TIAM1: variants seen among roughly 807,000 people sequenced by gnomAD.
TIAM1 encodes the protein TIAM Rac1 associated GEF 1.
A neutral mutation model predicts 163.5 loss-of-function variants in TIAM1; 65 were observed. The ratio of observed to expected loss-of-function variants is 0.40; its 90% CI spans 0.33 to 0.49. The LOEUF is 0.49. Ranked by LOEUF, TIAM1 falls within the 20% of genes least tolerant of loss-of-function variation. The pLI is 0.77. For missense variants in TIAM1, 1,789 were observed against 2,044.7 expected (o/e 0.87, Z 2.41); for synonymous variants, 833 against 810.1 (o/e 1.03, Z -0.48).
At chr21:31,128,163 C>G (rs2082280511) in intron 25 of TIAM1, among the ~76,000 whole-genome samples, 1 of 152,204 alleles carries the variant, frequency 6.6e-6, no homozygotes, top group African/African-American at 2.4e-5. Context: ...CACAAACCCT[C>G]ACTGTGGTTG....
At chr21:31,410,238 C>T (rs1357285484) in intron 2 of TIAM1, among the ~76,000 whole-genome samples, 2 of 151,588 alleles carry the variant, frequency 1.3e-5, no homozygotes, top group Non-Finnish European at 2.9e-5. Flanking sequence ...TGATTGTGAG[C>T]ATGTGTGTGA....
chr21:31,165,633 G>GTGGCTTATTTTGTTTAGCCACTCAGTT (rs2084173843), intron 15 of TIAM1, among the ~76,000 whole-genome samples: 1 of 151,926 alleles, frequency 6.6e-6, no homozygotes, highest in African/African-American at 2.4e-5. Context: ...TCAGTTTATG[G>GTGGCTTATTTTGTTTAGCCACTCAGTT]TATTTTGTTA....
rs2088128061 is a variant in TIAM1 at position 31,228,230 on chromosome 21, A to T, written c.1585-2280T>A. Among the ~76,000 whole-genome samples the T allele has an allele frequency of 1.4e-4, 4 of 28,154 alleles. 1 individual carries two copies. The South Asian group carries it at 5.9e-3, about 41-fold the overall frequency. The allele number at this position is 28,154 out of a possible 152,430, so 18.5% of individuals were successfully genotyped here. ...CCGGCCTCCTTTTTTTAAAAAAAAAAAAAAAAAAAAAAAAAAAAAAAAAAA... is the reference window on the plus strand; with the variant it reads ...CCGGCCTCCTTTTTTTAAAAAAAAATAAAAAAAAAAAAAAAAAAAAAAAAA... On this transcript the variant is annotated intron_variant, in intron 6 of 27. Coordinates refer to ENST00000541036, the MANE Select transcript of TIAM1 (RefSeq NM_001353694.2).
At chr21:31,533,585 T>C (rs1169015931) in intron 1 of TIAM1, among the ~76,000 whole-genome samples, 1 of 151,992 alleles carries the variant, frequency 6.6e-6, no homozygotes, top group East Asian at 2.0e-4. Flanking sequence ...TATTTTTAAT[T>C]AGCCAGGGGT....
At chr21:31,210,739 GAAGGAAGGGAGAAAGAAA>G (rs2086806185) in intron 10 of TIAM1, among the ~76,000 whole-genome samples, 5 of 75,916 alleles carry the variant, frequency 6.6e-5, no homozygotes, top group African/African-American at 3.8e-4. Context: ...GAGAAAGAAG[GAAGGAAGGGAGAAAGAAA>G]GAAAGAAAGA....
chr21:31,251,906 G>C lies in TIAM1; in HGVS notation c.1247C>G (p.Thr416Ser). 1.9e-6 allele frequency: 3 copies of C among 1,613,804 alleles called. No individual in the cohort carries two copies. Among genetic ancestry groups the C allele is most frequent in the Non-Finnish European group, 2.5e-6 (3 of 1,179,906 alleles). ...GTCCGACTGGCCCGGAGAGCTCAGGGTGCCGCTGCTCTGCTCATCGCTGTG... is the reference window on the plus strand; with the variant it reads ...GTCCGACTGGCCCGGAGAGCTCAGGCTGCCGCTGCTCTGCTCATCGCTGTG... ...SAHSDEQSSGTLSSPGQSDIL... is the reference protein window; with the variant it reads ...SAHSDEQSSGSLSSPGQSDIL... The change falls in exon 5 of 28, where the codon ACC becomes AGC. Residue 416 changes from threonine (T) to serine (S), a missense_variant. Physicochemically the swap from Thr to Ser is moderately conservative, Grantham distance 58. This residue lies in a region of TIAM1 where 555 missense variants were observed against 564.9 expected (regional missense o/e 0.98). Coordinates refer to ENST00000541036, the MANE Select transcript of TIAM1 (RefSeq NM_001353694.2).
At chr21:31,378,762 A>T (rs912797016) in intron 2 of TIAM1, among the ~76,000 whole-genome samples, 2 of 152,152 alleles carry the variant, frequency 1.3e-5, no homozygotes, top group East Asian at 1.9e-4. Flanking sequence ...AAAATATTTT[A>T]AAAAAGGAAA....
rs1238604238 is a variant in TIAM1, at chr21:31,187,069, A to G, written c.2594T>C (p.Val865Ala). ...ADTYGFSLSSVEEDGIRRLYV... is the reference protein window; with the variant it reads ...ADTYGFSLSSAEEDGIRRLYV... ...CAGCCTTCGAATACCATCTTCTTCCACAGAAGAAAGTGAAAACCCTGTGAA... is the reference window on the plus strand; with the variant it reads ...CAGCCTTCGAATACCATCTTCTTCCGCAGAAGAAAGTGAAAACCCTGTGAA... The change falls in exon 14 of 28, where the codon GTG becomes GCG. Residue 865 changes from valine to alanine, a missense_variant. Val to Ala is a moderately conservative substitution (Grantham distance 64, BLOSUM62 0). Around this residue, in one of 5 missense-constraint regions of TIAM1, gnomAD observed 456 missense variants for 586.6 expected, o/e 0.78. Transcript: ENST00000541036. 6.2e-7 allele frequency: 1 copy of G among 1,614,094 alleles called. No homozygotes were observed. The highest frequency in any genetic ancestry group is 8.5e-7 in the Non-Finnish European group (1 of 1,179,964).
intron 2 of TIAM1, among the ~76,000 whole-genome samples, chr21:31,360,961 T>A (rs1334372794): frequency 6.6e-6 from 1 of 152,092 alleles, no homozygotes; most frequent in East Asian, 1.9e-4. Context: ...AGGGAGAGTG[T>A]AATTGGGTCA....
At chr21:31,391,502 A>G (rs1037112455) in intron 2 of TIAM1, among the ~76,000 whole-genome samples, 1 of 151,972 alleles carries the variant, frequency 6.6e-6, no homozygotes, top group African/African-American at 2.4e-5. Flanking sequence ...GCAGGCGCCT[A>G]TAATCCCAGC....
At chr21:31,230,666 C>A (rs1382735273) in intron 6 of TIAM1, among the ~76,000 whole-genome samples, 1 of 152,138 alleles carries the variant, frequency 6.6e-6, no homozygotes, top group East Asian at 1.9e-4. Flanking sequence ...CTAGCTGGGA[C>A]TACAGGCTAC....
chr21:31,498,951 GAAAGA>G (rs56784582), intron 1 of TIAM1, among the ~76,000 whole-genome samples: 70 of 106,434 alleles, frequency 6.6e-4, no homozygotes, highest in African/African-American at 2.1e-3. Flanking sequence ...ATCAAAAGAA[GAAAGA>G]AAAGAAAAGA....
Position 31,298,567 on chromosome 21 carries a change from T to G in TIAM1, c.-188-21659A>C, listed in dbSNP as rs534413140. Among the ~76,000 whole-genome samples, 8 of 152,304 alleles carry G rather than the reference T, an allele frequency of 5.3e-5. No individual in the cohort carries two copies. The South Asian group carries it at 1.7e-3, about 32-fold the overall frequency. ...TGGCCAGCTCTACTCTCATCTGGTA[T>G]TCTTCCCTCTCTAATTGTCTGTCTT... is the stretch of plus-strand genomic sequence containing the variant. On this transcript the variant is annotated intron_variant, in intron 2 of 27. Transcript: ENST00000541036.
At chr21:31,321,334 CTGTT>C (rs112634900) in intron 2 of TIAM1, among the ~76,000 whole-genome samples, 3,439 of 150,600 alleles carry the variant, frequency 0.023, 116 homozygotes, top group African/African-American at 0.072. Context: ...CCATGCTCTA[CTGTT>C]TGTTTGTTTG....
At chr21:31,557,263 C>T (rs1343563939) in intron 1 of TIAM1, among the ~76,000 whole-genome samples, 1 of 151,982 alleles carries the variant, frequency 6.6e-6, no homozygotes, top group Non-Finnish European at 1.5e-5. Flanking sequence ...TCCTTCATGC[C>T]TTTTATAATA....
In TIAM1 at chr21:31,245,372, TAAAAAAAAAAAA is replaced by T. The variant is rs35494700; in HGVS notation, c.1584+104_1584+115del. 1.9e-5 allele frequency: 4 copies of T among 208,170 alleles called. No homozygotes were observed. The East Asian group carries it at 2.3e-4, about 12-fold the overall frequency. The allele number at this position is 208,170 out of a possible 1,614,324, so 12.9% of individuals were successfully genotyped here. A position where few individuals can be genotyped will look rare whatever the true frequency, so the allele number is the denominator to read the frequency against. ...ATGAGCAACAGATTAATCTCACCAC[TAAAAAAAAAAAA>T]AAAAAAAAAAAAAGCAGTGGAGGGA... On this transcript the variant is annotated intron_variant, in intron 6 of 27. Coordinates refer to ENST00000541036, the MANE Select transcript of TIAM1 (RefSeq NM_001353694.2).
intron 1 of TIAM1, among the ~76,000 whole-genome samples, chr21:31,516,671 T>TA (rs375716984): frequency 0.1 from 12,285 of 122,166 alleles, 555 homozygotes; most frequent in East Asian, 0.15. Flanking sequence ...GGACTTACCC[T>TA]AAAAAAAAAA....
At chr21:31,442,678 C>G (rs1310361719) in intron 2 of TIAM1, among the ~76,000 whole-genome samples, 3 of 152,152 alleles carry the variant, frequency 2.0e-5, no homozygotes, top group Non-Finnish European at 2.9e-5. Context: ...GATAACCTAG[C>G]AGGATTCTTT....
intron 2 of TIAM1, among the ~76,000 whole-genome samples, chr21:31,304,575 C>G (rs1352527322): frequency 6.6e-6 from 1 of 152,190 alleles, no homozygotes; most frequent in Admixed American, 6.5e-5. Flanking sequence ...GGTTAAGATT[C>G]TTTTTAAAAT....
Sources: allele counts gnomAD v4.1 joint callset (sites outside exome capture counted in the v4.1 genomes callset), GRCh38; gene constraint gnomAD v4.1.1; regional missense constraint gnomAD v4.1.1; transcripts MANE v1.5; gene names NCBI Gene and HGNC (gene_info 2026-07-23, HGNC 2026-07-21).